The following MYO16 variants were observed in gnomAD, a reference collection of about 807,000 sequenced individuals.
MYO16 encodes myosin XVI.
Under a neutral mutation model 205.3 loss-of-function variants are expected in MYO16, and 94 were observed. That is an observed-to-expected ratio of 0.46 (90% confidence interval 0.39 to 0.54). The LOEUF (loss-of-function observed/expected upper bound fraction) is 0.54, where lower values mean the gene tolerates loss of function less well. MYO16 is among the 20% of genes least tolerant of loss of function. MYO16 has a pLI of 0.00. For synonymous variants in MYO16, 988 were observed against 954.0 expected (o/e 1.04, Z -0.66); for missense variants, 2,315 against 2,387.5 (o/e 0.97, Z 0.63).
At chr13:108,910,656 A>G (rs751170997) in intron 16 of MYO16, among the ~76,000 whole-genome samples, 13 of 152,232 alleles carry the variant, frequency 8.5e-5, no homozygotes, top group Non-Finnish European at 1.8e-4. Context: ...GACAGGCTGT[A>G]TAGACAGTGA....
intron 16 of MYO16, among the ~76,000 whole-genome samples, chr13:108,920,255 C>T (rs1392916483): frequency 6.6e-6 from 1 of 152,082 alleles, no homozygotes; most frequent in African/African-American, 2.4e-5. Context: ...CCAAAATAGA[C>T]CTCTGCCTTT....
chr13:109,197,886 G>A (rs1880225208), intron 34 of MYO16, among the ~76,000 whole-genome samples: 1 of 152,146 alleles, frequency 6.6e-6, no homozygotes, highest in Non-Finnish European at 1.5e-5. Context: ...ATTTTGTTTA[G>A]CTGAAATGAC....
the MYO16 span, among the ~76,000 whole-genome samples, chr13:108,522,840 C>T: frequency 6.6e-6 from 1 of 151,916 alleles, no homozygotes; most frequent in South Asian, 2.1e-4. Flanking sequence ...AGGACAAAAG[C>T]CTACTCTCAT....
chr13:109,092,597 G>C (rs574036488), intron 27 of MYO16, among the ~76,000 whole-genome samples: 13 of 152,118 alleles, frequency 8.5e-5, no homozygotes, highest in Middle Eastern at 3.2e-3. Context: ...AGAGGGAGAG[G>C]AACAGAAAAG....
At chr13:108,521,003 T>C in the MYO16 span, among the ~76,000 whole-genome samples, 1 of 152,068 alleles carries the variant, frequency 6.6e-6, no homozygotes. Flanking sequence ...CTTCCTTCCT[T>C]TCTCCCTCTT....
intron 33 of MYO16, among the ~76,000 whole-genome samples, chr13:109,178,604 CT>C (rs953977525): frequency 6.6e-6 from 1 of 152,130 alleles, no homozygotes; most frequent in Non-Finnish European, 1.5e-5. Context: ...TCTTATTTCT[CT>C]TTTTGTCTAT....
intron 1 of MYO16, among the ~76,000 whole-genome samples, chr13:108,644,726 A>G (rs1451290896): frequency 6.6e-6 from 1 of 152,134 alleles, no homozygotes; most frequent in African/African-American, 2.4e-5. Context: ...TTTCAAAAGT[A>G]TATTTAAATA....
chr13:108,957,869 A>T (rs891634170), intron 17 of MYO16, 70 bp downstream of exon 17: 2 of 1,260,620 alleles, frequency 1.6e-6, no homozygotes, highest in Non-Finnish European at 2.3e-6. Context: ...TATTCATTCA[A>T]AAGCATTTAC....
intron 5 of MYO16, among the ~76,000 whole-genome samples, chr13:108,790,183 G>T (rs578242007): frequency 6.6e-6 from 1 of 152,130 alleles, no homozygotes; most frequent in Non-Finnish European, 1.5e-5. Context: ...TCACAATAGC[G>T]GCAAAGAGTA....
intron 4 of MYO16, among the ~76,000 whole-genome samples, chr13:108,774,541 A>G (rs779800775): frequency 5.3e-5 from 8 of 152,200 alleles, no homozygotes; most frequent in Non-Finnish European, 1.2e-4. Flanking sequence ...ATGAAAATCA[A>G]TTATGATGTG....
At chr13:109,067,373 A>G (rs1467765) in intron 27 of MYO16, among the ~76,000 whole-genome samples, 76,017 of 152,060 alleles carry the variant, frequency 0.5, 19,030 homozygotes, top group Middle Eastern at 0.55. Flanking sequence ...TGTAAAGTTG[A>G]TTATTGCCAT....
At chr13:108,819,773 A>G (rs1207743554) in intron 7 of MYO16, among the ~76,000 whole-genome samples, 4 of 152,186 alleles carry the variant, frequency 2.6e-5, no homozygotes, top group African/African-American at 7.2e-5. Flanking sequence ...CCTGCTGCCC[A>G]TGTTGCTGTC....
chr13:108,609,647 CTTCT>C (rs1296193963), intron 1 of MYO16, among the ~76,000 whole-genome samples: 1 of 152,076 alleles, frequency 6.6e-6, no homozygotes, highest in East Asian at 1.9e-4. Context: ...TTCATTTCTG[CTTCT>C]TTGTCTTCAA....
At chr13:108,500,259 G>A in the MYO16 span, among the ~76,000 whole-genome samples, 1 of 113,832 alleles carries the variant, frequency 8.8e-6, no homozygotes, top group East Asian at 2.7e-4. Flanking sequence ...TTTTTGAGAC[G>A]GAGTCTGTCA....
chr13:109,027,221 C>T (rs1886391050), intron 23 of MYO16, among the ~76,000 whole-genome samples: 1 of 152,198 alleles, frequency 6.6e-6, no homozygotes. Flanking sequence ...TCACCCCAAT[C>T]TGTGCCTCCA....
At chr13:108,610,161 G>A (rs1323408421) in intron 1 of MYO16, among the ~76,000 whole-genome samples, 1 of 152,058 alleles carries the variant, frequency 6.6e-6, no homozygotes, top group Non-Finnish European at 1.5e-5. Context: ...CTGTAAAATG[G>A]ACTAACAGTA....
Position 108,972,273 on chromosome 13 carries a change from A to ATATATATG in MYO16, c.2369+7378_2369+7379insGTATATAT, listed in dbSNP as rs1884057430. ...TCTATATATATATATATATATATAT[A>ATATATATG]TATATATTTACCAGCCACAGCCATC... On this transcript the variant is annotated intron_variant, in intron 20 of 34. Transcript: ENST00000457511. Among the ~76,000 whole-genome samples, 2 of 74,240 alleles carry ATATATATG rather than the reference A, an allele frequency of 2.7e-5. 1 individual carries two copies. Among genetic ancestry groups the ATATATATG allele is most frequent in the Non-Finnish European group, 5.1e-5 (2 of 38,882 alleles). 48.7% of individuals were successfully genotyped at this position (74,240 alleles called of 152,430 possible). A position where few individuals can be genotyped will look rare whatever the true frequency, so the allele number is the denominator to read the frequency against.
At chr13:108,761,989 C>T (rs977456801) in intron 4 of MYO16, among the ~76,000 whole-genome samples, 21 of 152,154 alleles carry the variant, frequency 1.4e-4, no homozygotes, top group African/African-American at 4.6e-4. Context: ...TAAGTACTTT[C>T]CTATCACCTA....
At position 108,896,598 on chromosome 13, in the gene MYO16, A is replaced by G. The variant is rs1363579440; in HGVS notation, c.1660-1418A>G. On this transcript the variant is annotated intron_variant, in intron 14 of 34. Coordinates refer to ENST00000457511, the MANE Select transcript of MYO16 (RefSeq NM_001198950.3). ...TTTGTGGTTAGCGTCAAACTATTTT[A>G]TAATCTTTCACAGTATAAAATACTT... is the stretch of plus-strand genomic sequence containing the variant. Among the ~76,000 whole-genome samples the G allele has an allele frequency of 2.0e-5, 3 of 152,240 alleles. No individual in the cohort carries two copies. The East Asian group carries it at 5.8e-4, about 29-fold the overall frequency.
Sources: allele counts gnomAD v4.1 joint callset (sites outside exome capture counted in the v4.1 genomes callset), GRCh38; gene constraint gnomAD v4.1.1; transcripts MANE v1.5; gene names NCBI Gene and HGNC (gene_info 2026-07-23, HGNC 2026-07-21).